FAAH2: variants seen among roughly 807,000 people sequenced by gnomAD.
FAAH2 encodes fatty-acid amide hydrolase 2.
Under a neutral mutation model 36.9 loss-of-function variants are expected in FAAH2, and 60 were observed. That is an observed-to-expected ratio of 1.63 (90% confidence interval 1.32 to 2.02). The LOEUF (loss-of-function observed/expected upper bound fraction) is 2.02, where lower values mean the gene tolerates loss of function less well. Among genes scored for constraint, FAAH2 ranks in the 30% most tolerant of loss-of-function variants. The pLI, the probability that FAAH2 is intolerant of heterozygous loss-of-function variation, is 0.00. For missense variants in FAAH2, 689 were observed against 397.5 expected, an observed-to-expected ratio of 1.73 and a Z score of -6.23; for synonymous variants, 214 against 143.8, an observed-to-expected ratio of 1.49 and a Z score of -3.49.
At chrX:57,220,988 A>G in the FAAH2 span, among the ~76,000 whole-genome samples, 1 of 111,935 alleles carries the variant, frequency 8.9e-6, no homozygotes, top group Non-Finnish European at 1.9e-5. Flanking sequence ...GGTGGCAGGT[A>G]GGCCAGTATA....
chrX:57,344,378 G>C (rs1339672964), intron 5 of FAAH2, among the ~76,000 whole-genome samples: 1 of 110,918 alleles, frequency 9.0e-6, no homozygotes, highest in Non-Finnish European at 1.9e-5. Flanking sequence ...TTGTAAATGG[G>C]ATTGCATTTT....
At chrX:57,356,273 TG>T (rs1348147437) in intron 5 of FAAH2, among the ~76,000 whole-genome samples, 1 of 110,856 alleles carries the variant, frequency 9.0e-6, no homozygotes, top group East Asian at 2.8e-4. Context: ...ACACTGGCTT[TG>T]TAAAATGAGT....
At chrX:57,462,723 G>A (rs1445398967) in intron 10 of FAAH2, among the ~76,000 whole-genome samples, 1 of 112,324 alleles carries the variant, frequency 8.9e-6, no homozygotes, top group East Asian at 2.8e-4. Flanking sequence ...GTAAAATCTG[G>A]AAGCATTCCC....
At chrX:57,180,669 A>G in the FAAH2 span, among the ~76,000 whole-genome samples, 1 of 111,539 alleles carries the variant, frequency 9.0e-6, no homozygotes, top group Non-Finnish European at 1.9e-5. Flanking sequence ...AAAGCCCAGG[A>G]TCAGAAGAAT....
chrX:57,349,187 ATG>A (rs2053921383), intron 5 of FAAH2, among the ~76,000 whole-genome samples: 2 of 93,479 alleles, frequency 2.1e-5, no homozygotes, highest in South Asian at 9.2e-4. Context: ...GTATACATAT[ATG>A]TATATATACA....
At chrX:57,227,522 T>C in the FAAH2 span, among the ~76,000 whole-genome samples, 1 of 111,268 alleles carries the variant, frequency 9.0e-6, no homozygotes, top group Admixed American at 9.5e-5. Flanking sequence ...CTCTCAGTCA[T>C]GGATACCAGT....
chrX:57,199,713 ATC>A, the FAAH2 span, among the ~76,000 whole-genome samples: 4 of 111,324 alleles, frequency 3.6e-5, no homozygotes, highest in Non-Finnish European at 7.5e-5. Context: ...GTTGTAATCT[ATC>A]TCTCTCCTTA....
chrX:57,442,840 A>G (rs1014292356), intron 8 of FAAH2, among the ~76,000 whole-genome samples: 1 of 111,129 alleles, frequency 9.0e-6, no homozygotes, highest in South Asian at 3.8e-4. Flanking sequence ...GCTTGTCTGT[A>G]AAGGATTTCA....
At chrX:57,413,184 T>C (rs759237872) in intron 7 of FAAH2, among the ~76,000 whole-genome samples, 2 of 112,249 alleles carry the variant, frequency 1.8e-5, no homozygotes, top group South Asian at 7.4e-4. Context: ...GCCTGTTCTC[T>C]CTGATGATAG....
the FAAH2 span, among the ~76,000 whole-genome samples, chrX:57,261,824 G>A: frequency 9.0e-6 from 1 of 110,748 alleles, no homozygotes; most frequent in Non-Finnish European, 1.9e-5. Context: ...TTAGTTATGA[G>A]ATTAATTCAT....
chrX:57,256,680 C>A, the FAAH2 span, among the ~76,000 whole-genome samples: 2 of 111,571 alleles, frequency 1.8e-5, no homozygotes, highest in Middle Eastern at 4.6e-3. Flanking sequence ...GCAACAAAAG[C>A]CAAAATTGAC....
chrX:57,364,792 C>G (rs993719849), intron 5 of FAAH2, among the ~76,000 whole-genome samples: 1 of 111,143 alleles, frequency 9.0e-6, no homozygotes, highest in African/African-American at 3.3e-5. Context: ...TTGGTTACTG[C>G]TTTACTTTCA....
intron 2 of FAAH2, among the ~76,000 whole-genome samples, chrX:57,307,186 T>TTCTC (rs903980855): frequency 4.8e-5 from 5 of 104,586 alleles, no homozygotes; most frequent in African/African-American, 6.8e-5. Flanking sequence ...CATCTTTCTA[T>TTCTC]TCTCTCTGTT....
rs1486464969 is a variant in FAAH2 at position 57,310,726 on chromosome X, CA to C, written c.411del (p.Gly138GlufsTer9). On this transcript the variant is annotated frameshift_variant and splice_region_variant, in exon 3 of 11. Coordinates refer to ENST00000374900, the MANE Select transcript of FAAH2 (RefSeq NM_174912.4). LOFTEE classifies it high-confidence loss of function. Reference sequence around the variant, plus strand: ...GACAGTCAAGGAAGCTTTCCAGCTACAAGGTACTATTCTTTTATTTTTGGCT... The same window carrying C: ...GACAGTCAAGGAAGCTTTCCAGCTACAGGTACTATTCTTTTATTTTTGGCT... ...PLTVKEAFQL[Q>X]GMPNSSGLMN... 4.2e-6 allele frequency: 5 copies of C among 1,198,316 alleles called. No individual in the cohort carries two copies. Among genetic ancestry groups the C allele is most frequent in the Non-Finnish European group, 5.6e-6 (5 of 891,219 alleles).
intron 7 of FAAH2, among the ~76,000 whole-genome samples, chrX:57,386,049 G>A (rs1296129784): frequency 9.0e-6 from 1 of 111,684 alleles, no homozygotes; most frequent in Non-Finnish European, 1.9e-5. Context: ...ATTTCTTTTT[G>A]TAATGCTTAA....
chrX:57,303,977 C>T (rs765175452), intron 2 of FAAH2, among the ~76,000 whole-genome samples: 31 of 111,438 alleles, frequency 2.8e-4, no homozygotes, highest in Admixed American at 2.7e-3. Context: ...GAGGCTGAGG[C>T]GGGCAGATTA....
At chrX:57,167,546 T>C in the FAAH2 span, among the ~76,000 whole-genome samples, 9 of 111,896 alleles carry the variant, frequency 8.0e-5, no homozygotes, top group African/African-American at 2.9e-4. Context: ...TTAACTTATA[T>C]TGTGAGAACA....
chrX:57,416,062 T>G (rs2147051461), intron 7 of FAAH2, among the ~76,000 whole-genome samples: 1 of 111,502 alleles, frequency 9.0e-6, no homozygotes, highest in East Asian at 2.8e-4. Context: ...TGCTTGTTTT[T>G]GCTTTCCATT....
At chrX:57,358,349 C>A (rs1071964) in intron 5 of FAAH2, among the ~76,000 whole-genome samples, 1 of 109,139 alleles carries the variant, frequency 9.2e-6, no homozygotes, top group Non-Finnish European at 1.9e-5. Flanking sequence ...ATAGCAATTC[C>A]CCATTTCTCC....
Sources: allele counts gnomAD v4.1 joint callset (sites outside exome capture counted in the v4.1 genomes callset), GRCh38; gene constraint gnomAD v4.1.1; transcripts MANE v1.5; gene names NCBI Gene and HGNC (gene_info 2026-07-23, HGNC 2026-07-21).